Variants in LRRC71 observed in about 807,000 individuals in gnomAD.
The protein encoded by LRRC71 is leucine rich repeat containing 71.
A neutral mutation model predicts 66.6 loss-of-function variants in LRRC71; 54 were observed. The observed-to-expected ratio is 0.81, with a 90% CI of 0.65 to 1.02. The LOEUF is 1.02. Among genes scored for constraint, LRRC71 ranks in the 50% least tolerant of loss-of-function variants. LRRC71 has a pLI of 0.00. For missense variants in LRRC71, 724 were observed against 718.0 expected (o/e 1.01, Z -0.10); for synonymous variants, 323 against 303.9 (o/e 1.06, Z -0.65).
Position 156,933,052 on chromosome 1 carries a change from A to G in LRRC71, c.*83A>G. The G allele has an allele frequency of 1.1e-6, 1 of 914,950 alleles. No homozygotes were observed. The highest frequency in any genetic ancestry group is 1.7e-6 in the Non-Finnish European group (1 of 598,838). The allele number at this position is 914,950 out of a possible 1,614,324, so 56.7% of individuals were successfully genotyped here. On this transcript the variant is annotated 3_prime_UTR_variant, in exon 15 of 15. Transcript: ENST00000337428. Reference sequence around the variant, plus strand: ...GTGTGGGGTGACCTCCCTGGGGGAGATCTCAGACCAATAACAAAGTCTGTT... The same window carrying G: ...GTGTGGGGTGACCTCCCTGGGGGAGGTCTCAGACCAATAACAAAGTCTGTT...
downstream of LRRC71, among the ~76,000 whole-genome samples, chr1:156,936,560 A>G (rs1211309241): frequency 1.4e-5 from 2 of 146,726 alleles, no homozygotes; most frequent in Admixed American, 1.4e-4. Flanking sequence ...AGAGGTGAGA[A>G]CAGGCTCCTC....
rs529320198 is a variant in LRRC71 at position 156,923,966 on chromosome 1, G to T, written c.178G>T (p.Gly60Trp). 681 of 1,527,002 alleles carry T rather than the reference G, an allele frequency of 4.5e-4. 1 individual carries two copies. In the African/African-American group the frequency reaches 7.4e-3, roughly 17 times the overall value. 94.6% of individuals were successfully genotyped at this position (1,527,002 alleles called of 1,614,324 possible). ...PKSPEEYQCS[G>W]VLETDFAELC... ...CCCCGCAGAGGAGTACCAGTGCTCC[G>T]GGGTCCTCGAGACCGACTTCGCCGA... The change falls in exon 2 of 15, where the codon GGG becomes TGG. Residue 60 changes from glycine to tryptophan, a missense_variant. Physicochemically the swap from Gly to Trp is radical, Grantham distance 184. Transcript: ENST00000337428.
rs894174998 is a variant in LRRC71 at position 156,932,284 on chromosome 1, C to G, written c.1442-140C>G. ...GTGTGAGTAAGAGCTGAGTGAAGGG[C>G]TAGGTCAGGGAAAGGTGTGCCTGGG... is the stretch of plus-strand genomic sequence containing the variant. On this transcript the variant is annotated intron_variant, in intron 13 of 14. Transcript: ENST00000337428. The G allele has an allele frequency of 5.2e-5, 37 of 713,574 alleles. No homozygotes were observed. In the South Asian group the frequency reaches 6.3e-4, roughly 12 times the overall value. 44.2% of individuals were successfully genotyped at this position (713,574 alleles called of 1,614,324 possible). A position where few individuals can be genotyped will look rare whatever the true frequency, so the allele number is the denominator to read the frequency against.
At chr1:156,924,579 CAGCTCCCT>C in intron 3 of LRRC71, 27 bp downstream of exon 3, 1 of 1,472,752 alleles carries the variant, frequency 6.8e-7, no homozygotes, top group Non-Finnish European at 9.3e-7. Context: ...CCACCCGCCC[CAGCTCCCT>C]CCCGCTCCCC....
At chr1:156,934,251 T>C (rs822433), downstream of LRRC71, among the ~76,000 whole-genome samples, 10,706 of 152,064 alleles carry the variant, frequency 0.07, 1,230 homozygotes, top group African/African-American at 0.24. Flanking sequence ...CAGCTGAGGA[T>C]TGTGAGAGGT....
chr1:156,930,032 TTTTC>T (rs1553189647), intron 11 of LRRC71, among the ~76,000 whole-genome samples: 6 of 120,016 alleles, frequency 5.0e-5, no homozygotes, highest in Non-Finnish European at 6.7e-5. Flanking sequence ...TTTCTTTTCT[TTTTC>T]TTTCTTTCTC....
intron 10 of LRRC71, 70 bp from the exon 11 acceptor site, chr1:156,929,566 C>T: frequency 6.5e-7 from 1 of 1,534,180 alleles, no homozygotes; most frequent in Non-Finnish European, 8.8e-7. Context: ...CTAACCTGGG[C>T]TCCTTCCCTC....
At chr1:156,929,491 G>A (rs77541180) in intron 10 of LRRC71, 62 bp downstream of exon 10, 29,119 of 1,604,882 alleles carry the variant, frequency 0.018, 324 homozygotes, top group Middle Eastern at 0.036. Context: ...CTTCCATCAT[G>A]TACAGAGGTG....
Position 156,924,473 on chromosome 1 carries a change from A to G in LRRC71, c.360A>G (p.Lys120=), listed in dbSNP as rs1044169442. Reference sequence around the variant, plus strand: ...GCAGCCTCAATAGCCTGGAGAGCAAATACGTGTTCTTCCGGCCCACCATCC... The same window carrying G: ...GCAGCCTCAATAGCCTGGAGAGCAAGTACGTGTTCTTCCGGCCCACCATCC... ...GSCSLNSLES[K]YVFFRPTIQV... The change falls in exon 3 of 15, where the codon AAA becomes AAG. Residue 120 remains lysine (K), a synonymous_variant. Transcript: ENST00000337428. The G allele has an allele frequency of 1.3e-6, 2 of 1,551,194 alleles. No individual in the cohort carries two copies. The highest frequency in any genetic ancestry group is 2.4e-5 in the East Asian group (1 of 40,910).
chr1:156,936,792 C>T (rs368217491), downstream of LRRC71: 30 of 1,603,730 alleles, frequency 1.9e-5, no homozygotes, highest in African/African-American at 5.3e-5. Flanking sequence ...TGGTAGGAAC[C>T]GAGAGGGACC....
chr1:156,938,893 GCCCACTCTTCCCGGGGTGGGGACCTT>G, the LRRC71 span: 6 of 223,566 alleles, frequency 2.7e-5, no homozygotes, highest in African/African-American at 9.2e-5. Flanking sequence ...TCTCAGACCA[GCCCACTCTTCCCGGGGTGGGGACCTT>G]CCTCCCTGGG....
At chr1:156,938,696 A>T in the LRRC71 span, 7 of 512,674 alleles carry the variant, frequency 1.4e-5, no homozygotes, top group East Asian at 2.0e-4. Context: ...CTTTCCACCA[A>T]TTCACCGAGA....
At chr1:156,939,356 A>C in the LRRC71 span, 24 of 719,852 alleles carry the variant, frequency 3.3e-5, no homozygotes, top group African/African-American at 3.9e-4. Context: ...GGCAGAGCTA[A>C]GCTCTGAATC....
rs769440262 is a variant in LRRC71, at chr1:156,932,984, C to T, written c.*15C>T. 1 of 1,545,194 alleles carries T rather than the reference C, an allele frequency of 6.5e-7. No homozygotes were observed. The highest frequency in any genetic ancestry group is 8.8e-7 in the Non-Finnish European group (1 of 1,140,918). On this transcript the variant is annotated 3_prime_UTR_variant, in exon 15 of 15. Transcript: ENST00000337428. ...TCTTCCCCTAGCCCCCTCCCACCTGCTTGCCTCTAAGACTCGGGGCTACAG... is the reference window on the plus strand; with the variant it reads ...TCTTCCCCTAGCCCCCTCCCACCTGTTTGCCTCTAAGACTCGGGGCTACAG...
chr1:156,932,951 C>T lies in LRRC71; in HGVS notation c.1662C>T (p.Ala554=), dbSNP rs754959000. ...AGGCCAAACTCAGGGAGGATGAGGCCATGGCATTCTTCCCCTAGCCCCCTC... is the reference window on the plus strand; with the variant it reads ...AGGCCAAACTCAGGGAGGATGAGGCTATGGCATTCTTCCCCTAGCCCCCTC... ...PIKAKLREDE[A]MAFFP Residue 554 remains alanine, a synonymous_variant, in exon 15 of 15, where the codon GCC becomes GCT. Transcript: ENST00000337428. 46 of 1,577,926 alleles carry T rather than the reference C, an allele frequency of 2.9e-5. No individual in the cohort carries two copies. In the African/African-American group the frequency reaches 4.6e-4, roughly 16 times the overall value.
chr1:156,939,245 G>A, the LRRC71 span: 1 of 389,402 alleles, frequency 2.6e-6, no homozygotes, highest in Non-Finnish European at 4.7e-6. Flanking sequence ...ACTGGTACTG[G>A]TAGTTGGTTT....
In LRRC71 at chr1:156,921,078, TC is replaced by T. The variant is rs1444390671; in HGVS notation, c.160+117del. ...GAACTCATACATACCTACGTTGAGT[TC>T]CTGAATCTCGGCTTGATAGATGTTT... is the stretch of plus-strand genomic sequence containing the variant. On this transcript the variant is annotated intron_variant, in intron 1 of 14. Transcript: ENST00000337428. 3 of 1,230,948 alleles carry T rather than the reference TC, an allele frequency of 2.4e-6. No individual in the cohort carries two copies. In the African/African-American group the frequency reaches 4.7e-5, roughly 19 times the overall value. 76.3% of individuals were successfully genotyped at this position (1,230,948 alleles called of 1,614,324 possible).
chr1:156,924,860 G>A lies in LRRC71; in HGVS notation c.516-78G>A, dbSNP rs887777173. 9.9e-6 allele frequency: 15 copies of A among 1,516,836 alleles called. No homozygotes were observed. The Admixed American group carries it at 2.6e-4, about 26-fold the overall frequency. The allele number at this position is 1,516,836 out of a possible 1,614,324, so 94.0% of individuals were successfully genotyped here. Reference sequence around the variant, plus strand: ...TGGGGGATGAGGAAGGGCACCGCTGGGAGAACGGTGTGGGGAGGGTTTTCC... The same window carrying A: ...TGGGGGATGAGGAAGGGCACCGCTGAGAGAACGGTGTGGGGAGGGTTTTCC... On this transcript the variant is annotated intron_variant, in intron 4 of 14. Transcript: ENST00000337428.
chr1:156,932,030 A>C lies in LRRC71; in HGVS notation c.1441+3A>C, dbSNP rs985433724. On this transcript the variant is annotated splice_donor_region_variant and intron_variant, in intron 13 of 14. Transcript: ENST00000337428. ...CCTTTTGCACCTCAACCTCATCCGT[A>C]TGTCTGCCAACCTCCCCTGTCCTCC... The C allele has an allele frequency of 2.5e-6, 4 of 1,581,708 alleles. No individual in the cohort carries two copies. The highest frequency in any genetic ancestry group is 2.7e-5 in the African/African-American group (2 of 74,136).
Sources: allele counts gnomAD v4.1 joint callset (sites outside exome capture counted in the v4.1 genomes callset), GRCh38; gene constraint gnomAD v4.1.1; transcripts MANE v1.5; gene names NCBI Gene and HGNC (gene_info 2026-07-23, HGNC 2026-07-21).